SBK1: variants seen among roughly 807,000 people sequenced by gnomAD.
SBK1 encodes the protein SH3 domain binding kinase 1, also known as serine/threonine-protein kinase SBK1.
A neutral mutation model predicts 24.4 loss-of-function variants in SBK1; 11 were observed. The ratio of observed to expected loss-of-function variants is 0.45; its 90% CI spans 0.28 to 0.75. SBK1 has a LOEUF of 0.75. Among genes scored for constraint, SBK1 ranks in the 30% least tolerant of loss-of-function variants. The probability of loss-of-function intolerance (pLI) is 0.12; values close to 1 mark genes in which losing one functional copy is unlikely to be tolerated. For synonymous variants in SBK1, 308 were observed against 284.4 expected, an observed-to-expected ratio of 1.08 and a Z score of -0.83; for missense variants, 467 against 620.5, an observed-to-expected ratio of 0.75 and a Z score of 2.63.
chr16:28,281,150 A>G (rs1181068515), intron 1 of SBK1, among the ~76,000 whole-genome samples: 3 of 151,864 alleles, frequency 2.0e-5, no homozygotes, highest in Non-Finnish European at 4.4e-5. Context: ...CTGAGCCTCC[A>G]TCTCTCCCCA....
intron 1 of SBK1, chr16:28,286,754 A>T (rs542837942): frequency 1.3e-4 from 20 of 152,380 alleles, no homozygotes; most frequent in African/African-American, 4.6e-4. Context: ...AGGAATCAAG[A>T]GCATCACAGG....
chr16:28,262,269 C>A (rs1480518987), intron 1 of SBK1, among the ~76,000 whole-genome samples: 3 of 152,190 alleles, frequency 2.0e-5, no homozygotes, highest in Non-Finnish European at 2.9e-5. Context: ...GCTCCAGCCC[C>A]TGGTAGGCTC....
In SBK1 at chr16:28,317,244, C is replaced by G; in HGVS notation, c.-7-141C>G. 1 of 648,200 alleles carries G rather than the reference C, an allele frequency of 1.5e-6. No homozygotes were observed. The allele number at this position is 648,200 out of a possible 1,614,324, so 40.2% of individuals were successfully genotyped here. On this transcript the variant is annotated intron_variant, in intron 1 of 3. Transcript: ENST00000341901. The surrounding 1 kb of genome is among the most constrained non-coding windows in gnomAD (Gnocchi z 4.2). ...TGGGGAAGGCGACGCGACCAAGATG[C>G]TTGTCGCCCCCTTGTGGTTATCTTG...
chr16:28,266,447 C>T (rs2044428724), intron 1 of SBK1, among the ~76,000 whole-genome samples: 1 of 152,086 alleles, frequency 6.6e-6, no homozygotes, highest in East Asian at 1.9e-4. Context: ...TTATTGCTTC[C>T]ATAACAAATT....
At chr16:28,316,059 C>A (rs562632232) in intron 1 of SBK1, among the ~76,000 whole-genome samples, 20 of 152,258 alleles carry the variant, frequency 1.3e-4, no homozygotes, top group Admixed American at 1.1e-3. Context: ...GCCACCATGC[C>A]CAGCCTAAAT....
At chr16:28,263,453 C>G (rs4324133) in intron 1 of SBK1, among the ~76,000 whole-genome samples, 101,226 of 152,044 alleles carry the variant, frequency 0.67, 34,515 homozygotes, top group East Asian at 0.92. Context: ...AGTGGGGAGA[C>G]GGGTAGTAAC....
Position 28,292,783 on chromosome 16 carries a change from T to G in SBK1, c.-525T>G. ...TTCCACATCCAGGATCCGGCGAGCC[T>G]CGGGGAAGAGGGGGGGCCCTCCCGG... On this transcript the variant is annotated 5_prime_UTR_variant, in exon 1 of 4. Transcript: ENST00000341901. 1.0e-6 allele frequency: 1 copy of G among 984,786 alleles called. No individual in the cohort carries two copies. Among genetic ancestry groups the G allele is most frequent in the Non-Finnish European group, 1.2e-6 (1 of 829,760 alleles). The allele number at this position is 984,786 out of a possible 1,614,324, so 61.0% of individuals were successfully genotyped here.
intron 1 of SBK1, among the ~76,000 whole-genome samples, chr16:28,274,080 C>G (rs1304446133): frequency 6.6e-6 from 1 of 152,192 alleles, no homozygotes; most frequent in Non-Finnish European, 1.5e-5. Context: ...TGAAGAGGTA[C>G]AGCATGGTGG....
chr16:28,298,920 G>T (rs2044660314), intron 1 of SBK1, among the ~76,000 whole-genome samples: 1 of 152,206 alleles, frequency 6.6e-6, no homozygotes, highest in Non-Finnish European at 1.5e-5. Flanking sequence ...AGCTTTTCTG[G>T]GTTTGTTAGG....
chr16:28,279,856 G>A (rs545193453), intron 1 of SBK1, among the ~76,000 whole-genome samples: 12 of 152,084 alleles, frequency 7.9e-5, no homozygotes, highest in Admixed American at 2.0e-4. Context: ...CAGGGACAGC[G>A]GGTGAGGACG....
At chr16:28,307,650 G>C (rs1443473563) in intron 1 of SBK1, among the ~76,000 whole-genome samples, 1 of 148,764 alleles carries the variant, frequency 6.7e-6, no homozygotes, top group Non-Finnish European at 1.5e-5. Context: ...TGAGGCAGGA[G>C]AATCGCTTGA....
intron 1 of SBK1, among the ~76,000 whole-genome samples, chr16:28,302,969 G>GC (rs1491394198): frequency 2.7e-5 from 4 of 149,784 alleles, no homozygotes; most frequent in African/African-American, 7.4e-5. Flanking sequence ...CATGGGGGGG[G>GC]GTCAGGAGTG....
chr16:28,281,912 G>C (rs568181893), intron 1 of SBK1, among the ~76,000 whole-genome samples: 1 of 152,220 alleles, frequency 6.6e-6, no homozygotes, highest in African/African-American at 2.4e-5. Context: ...CATGGCCTGG[G>C]AGAGGTTAAA....
In SBK1 at chr16:28,320,997, T is replaced by G. The variant is rs1596556003; in HGVS notation, c.*76T>G. On this transcript the variant is annotated 3_prime_UTR_variant, in exon 4 of 4. Coordinates refer to ENST00000341901, the MANE Select transcript of SBK1 (RefSeq NM_001024401.3). The surrounding 1 kb of genome is among the most constrained non-coding windows in gnomAD (Gnocchi z 8.5). ...CGGTGCCCGGTGCGGCGGTAGGGAATGGAGCCACCTCGCCGCGGGGCAGGG... is the reference window on the plus strand; with the variant it reads ...CGGTGCCCGGTGCGGCGGTAGGGAAGGGAGCCACCTCGCCGCGGGGCAGGG... 8.0e-7 allele frequency: 1 copy of G among 1,254,230 alleles called. No homozygotes were observed. Among genetic ancestry groups the G allele is most frequent in the Non-Finnish European group, 1.0e-6 (1 of 984,100 alleles). 77.7% of individuals were successfully genotyped at this position (1,254,230 alleles called of 1,614,324 possible). A position where few individuals can be genotyped will look rare whatever the true frequency, so the allele number is the denominator to read the frequency against.
Position 28,259,369 on chromosome 16 carries a change from C to T in SBK1, c.124C>T (p.His42Tyr), listed in dbSNP as rs770725510. The change falls in exon 1 of 4, where the codon CAC becomes TAC. Residue 42 changes from histidine to tyrosine, a missense_variant. Coordinates refer to the SBK1 transcript ENST00000671413. The surrounding 1 kb of genome is among the most constrained non-coding windows in gnomAD (Gnocchi z 6.0). The stretch of plus-strand genomic sequence containing the variant: ...TGATGCTGCGGAGGCCACCCCTGGC[C>T]ACCCCTGCCCTGTCCTGGAGCTGCC... 142 of 843,242 alleles carry T rather than the reference C, an allele frequency of 1.7e-4. No individual in the cohort carries two copies. The highest frequency in any genetic ancestry group is 1.9e-4 in the Non-Finnish European group (133 of 700,546). 52.2% of individuals were successfully genotyped at this position (843,242 alleles called of 1,614,324 possible). A position where few individuals can be genotyped will look rare whatever the true frequency, so the allele number is the denominator to read the frequency against.
intron 1 of SBK1, among the ~76,000 whole-genome samples, chr16:28,298,073 G>A (rs1015706890): frequency 1.3e-5 from 2 of 152,202 alleles, no homozygotes; most frequent in Non-Finnish European, 2.9e-5. Context: ...CAGAAGGATG[G>A]GCCCCAGGCC....
At chr16:28,292,159 G>T (rs2044603195), upstream of SBK1, 2 of 151,606 alleles carry the variant, frequency 1.3e-5, no homozygotes, top group Non-Finnish European at 2.9e-5. Flanking sequence ...TCGTCCCGCA[G>T]GGCCCAGAAA....
At chr16:28,283,971 C>G (rs2044548977) in intron 1 of SBK1, among the ~76,000 whole-genome samples, 1 of 152,192 alleles carries the variant, frequency 6.6e-6, no homozygotes, top group East Asian at 1.9e-4. Flanking sequence ...CGGTGACTGA[C>G]AGGCAGAGTA....
intron 1 of SBK1, among the ~76,000 whole-genome samples, chr16:28,268,591 T>C (rs1269223214): frequency 6.6e-6 from 1 of 151,866 alleles, no homozygotes. Context: ...GGCAAAACCC[T>C]GTTTCTACTA....
Sources: gnomAD v4.1 joint callset for allele counts (sites outside exome capture counted in the v4.1 genomes callset) on GRCh38, gnomAD v4.1.1 for gene constraint, Gnocchi (gnomAD v3.1) non-coding constraint, MANE v1.5 for transcripts, NCBI Gene and HGNC (gene_info 2026-07-23, HGNC 2026-07-21) for gene names.